The following LGR6 variants were observed in gnomAD, a reference collection of about 807,000 sequenced individuals.
LGR6 encodes the protein leucine rich repeat containing G protein-coupled receptor 6, also known as leucine-rich repeat-containing G protein-coupled receptor 6.
Under a neutral mutation model 69.4 loss-of-function variants are expected in LGR6, and 45 were observed. The observed-to-expected ratio is 0.65, with a 90% confidence interval of 0.51 to 0.83. LGR6 has a LOEUF of 0.83. Ranked by LOEUF, LGR6 falls within the 40% of genes least tolerant of loss-of-function variation. The pLI is 0.00. For synonymous variants in LGR6, 538 were observed against 555.0 expected (o/e 0.97, Z 0.43); for missense variants, 1,108 against 1,246.7 (o/e 0.89, Z 1.68).
Position 202,303,283 on chromosome 1 carries a change from C to T in LGR6, c.934C>T (p.Leu312=). 6.2e-7 allele frequency: 1 copy of T among 1,613,640 alleles called. No individual in the cohort carries two copies. ...QYLPKLHTLS[L]NGAMDIQEFP... ...GCTCATTGTCTCTATTTCCAGATCT[C>T]TGAATGGTGCCATGGACATCCAGGA... The change falls in exon 10 of 18, where the codon CTG becomes TTG. Residue 312 remains leucine, a synonymous_variant. Transcript: ENST00000367278.
chr1:202,311,195 T>C (rs1055363100), intron 16 of LGR6, among the ~76,000 whole-genome samples: 5 of 152,058 alleles, frequency 3.3e-5, no homozygotes, highest in African/African-American at 1.2e-4. Context: ...TCCACAATAT[T>C]TCAATGGAGA....
chr1:202,255,795 C>G (rs1174314666), intron 4 of LGR6, among the ~76,000 whole-genome samples: 1 of 152,144 alleles, frequency 6.6e-6, no homozygotes, highest in African/African-American at 2.4e-5. Flanking sequence ...TAAATCTTTA[C>G]ATATTATGTC....
intron 4 of LGR6, among the ~76,000 whole-genome samples, chr1:202,245,169 G>A (rs990307045): frequency 2.0e-5 from 3 of 152,336 alleles, no homozygotes; most frequent in East Asian, 1.9e-4. Flanking sequence ...CCCCAGGGAC[G>A]CACGAGGTGG....
intron 4 of LGR6, among the ~76,000 whole-genome samples, chr1:202,259,836 C>T (rs1233366729): frequency 1.3e-5 from 2 of 152,184 alleles, no homozygotes; most frequent in Admixed American, 1.3e-4. Context: ...CTTTGTCCTG[C>T]AGCCTGGACA....
At chr1:202,236,353 G>C (rs1661550798) in intron 4 of LGR6, 1 of 299,496 alleles carries the variant, frequency 3.3e-6, no homozygotes, top group African/African-American at 2.2e-5. Flanking sequence ...GAAGCATCAG[G>C]AAGGGGTTGT....
Position 202,318,240 on chromosome 1 carries a change from G to C in LGR6, c.1937G>C (p.Gly646Ala). The C allele has an allele frequency of 6.2e-7, 1 of 1,611,652 alleles. No homozygotes were observed. The highest frequency in any genetic ancestry group is 8.5e-7 in the Non-Finnish European group (1 of 1,179,262). The change falls in exon 18 of 18, where the codon GGC (glycine) becomes GCC (alanine). Residue 646 changes from glycine (G) to alanine (A), a missense_variant. Gly to Ala is a moderately conservative substitution (Grantham distance 60). Transcript: ENST00000367278. ...ACGGGGCTAGGCTGCCGGGCCACTG[G>C]CTTCCTGGCAGTACTTGGGTCGGAG... ...WETGLGCRAT[G>A]FLAVLGSEAS...
intron 6 of LGR6, among the ~76,000 whole-genome samples, chr1:202,294,816 A>AGGGAATAG (rs1667031661): frequency 6.6e-6 from 1 of 152,194 alleles, no homozygotes; most frequent in Admixed American, 6.5e-5. Context: ...TTAATCTACC[A>AGGGAATAG]CACTGGATAA....
rs749340668 is a variant in LGR6, at chr1:202,318,704, T to C, written c.2401T>C (p.Phe801Leu). Reference sequence around the variant, plus strand: ...CAGCTTTGCCTCCATGCTGGGCCTCTTCCCTGTCACGCCCGAGGCCGTCAA... The same window carrying C: ...CAGCTTTGCCTCCATGCTGGGCCTCCTCCCTGTCACGCCCGAGGCCGTCAA... ...FLSFASMLGL[F>L]PVTPEAVKSV... Residue 801 changes from phenylalanine (F) to leucine (L), a missense_variant, in exon 18 of 18, where the codon TTC becomes CTC. Phe to Leu is a conservative substitution (Grantham distance 22). Transcript: ENST00000367278. 2 of 1,613,644 alleles carry C rather than the reference T, an allele frequency of 1.2e-6. No homozygotes were observed. Among genetic ancestry groups the C allele is most frequent in the Non-Finnish European group, 1.7e-6 (2 of 1,180,012 alleles).
At chr1:202,197,262 G>T in intron 1 of LGR6, 1 of 431,424 alleles carries the variant, frequency 2.3e-6, no homozygotes. Flanking sequence ...CTTGGTTCTA[G>T]GGAAGACCAG....
chr1:202,244,293 C>G (rs905048413), intron 4 of LGR6, among the ~76,000 whole-genome samples: 1 of 152,184 alleles, frequency 6.6e-6, no homozygotes, highest in Non-Finnish European at 1.5e-5. Flanking sequence ...CCAGGTGATT[C>G]TGACACACAC....
chr1:202,249,863 AC>A (rs1205185150), intron 4 of LGR6, among the ~76,000 whole-genome samples: 1 of 152,026 alleles, frequency 6.6e-6, no homozygotes, highest in African/African-American at 2.4e-5. Context: ...CTCTGGACTT[AC>A]CCCAGTCTTT....
chr1:202,291,495 C>T (rs1666790146), intron 6 of LGR6, among the ~76,000 whole-genome samples: 1 of 152,250 alleles, frequency 6.6e-6, no homozygotes, highest in South Asian at 2.1e-4. Context: ...AGACCCTGCA[C>T]AGTGGACTCA....
At chr1:202,316,032 G>A (rs1392553110) in intron 17 of LGR6, among the ~76,000 whole-genome samples, 1 of 152,200 alleles carries the variant, frequency 6.6e-6, no homozygotes, top group Non-Finnish European at 1.5e-5. Flanking sequence ...CATAAAATAT[G>A]TTTTGAGTAA....
intron 1 of LGR6, among the ~76,000 whole-genome samples, chr1:202,206,400 C>A (rs1388719554): frequency 3.9e-5 from 6 of 152,208 alleles, no homozygotes; most frequent in Non-Finnish European, 7.3e-5. Flanking sequence ...ATGGACCCGG[C>A]CCCCCAGCGC....
At chr1:202,300,657 G>GAA (rs111707317) in intron 7 of LGR6, among the ~76,000 whole-genome samples, 192 bp from the exon 8 acceptor site, 7 of 105,100 alleles carry the variant, frequency 6.7e-5, no homozygotes, top group Non-Finnish European at 1.2e-4. Context: ...CCCTGTCTCA[G>GAA]AAAAAAAAAA....
intron 1 of LGR6, among the ~76,000 whole-genome samples, chr1:202,216,636 A>G (rs1659803092): frequency 6.6e-6 from 1 of 152,168 alleles, no homozygotes; most frequent in African/African-American, 2.4e-5. Flanking sequence ...GAGGTAGTAG[A>G]GAGCAGAGGG....
Position 202,260,737 on chromosome 1 carries a change from A to G in LGR6, c.429-15569A>G, listed in dbSNP as rs78650968. Among the ~76,000 whole-genome samples the G allele has an allele frequency of 6.4e-4, 98 of 152,250 alleles. No homozygotes were observed. In the South Asian group the frequency reaches 0.012, roughly 19 times the overall value. On this transcript the variant is annotated intron_variant, in intron 4 of 17. Transcript: ENST00000367278. ...GGCAACTGTATTTCTGATCTTTTAT[A>G]TAGTTGAGAATATATTTTTTTGTGG...
chr1:202,211,653 G>A (rs369839616), intron 1 of LGR6, among the ~76,000 whole-genome samples: 5 of 152,240 alleles, frequency 3.3e-5, no homozygotes, highest in African/African-American at 7.2e-5. Flanking sequence ...GAGCCACTGC[G>A]CCTGGCCCAG....
chr1:202,239,344 GGTGTGTGTGTGTGTGTGTGTGT>G (rs36157781), intron 4 of LGR6, among the ~76,000 whole-genome samples: 3 of 144,156 alleles, frequency 2.1e-5, no homozygotes, highest in Non-Finnish European at 3.0e-5. Context: ...GTGTGTGTGT[GGTGTGTGTGTGTGTGTGTGTGT>G]GTGTGTGTGT....
Sources: allele counts gnomAD v4.1 joint callset (sites outside exome capture counted in the v4.1 genomes callset), GRCh38; gene constraint gnomAD v4.1.1; transcripts MANE v1.5; gene names NCBI Gene and HGNC (gene_info 2026-07-23, HGNC 2026-07-21).